Variants in GCC2 observed in about 807,000 individuals in gnomAD.
GCC2 encodes the protein GRIP and coiled-coil domain containing 2, also known as GRIP and coiled-coil domain-containing protein 2.
A neutral mutation model predicts 210.6 loss-of-function variants in GCC2; 120 were observed. That is an observed-to-expected ratio of 0.57 (90% CI 0.49 to 0.66). The LOEUF is 0.66. GCC2 is among the 30% of genes least tolerant of loss of function. The pLI is 0.00. For synonymous variants in GCC2, 703 were observed against 652.7 expected (o/e 1.08, Z -1.17); for missense variants, 1,868 against 1,871.9 (o/e 1.00, Z 0.04).
In GCC2 at chr2:108,449,634, A is replaced by G. The variant is rs750423096; in HGVS notation, c.8A>G (p.Asp3Gly). 5 of 1,613,618 alleles carry G rather than the reference A, an allele frequency of 3.1e-6. No homozygotes were observed. The highest frequency in any genetic ancestry group is 4.2e-6 in the Non-Finnish European group (5 of 1,179,684). The change falls in exon 2 of 23, where the codon GAT (aspartate) becomes GGT (glycine). Residue 3 changes from aspartate (D) to glycine (G), a missense_variant and splice_region_variant. By Grantham distance (94) the Asp-to-Gly change is moderately conservative. Around this residue, in one of 3 missense-constraint regions of GCC2, gnomAD observed 1,847 missense variants for 1,765.2 expected, o/e 1.05. Coordinates refer to ENST00000309863, the MANE Select transcript of GCC2 (RefSeq NM_181453.4). Reference sequence around the variant, plus strand: ...CCTGGGTTTGATTTTGTTTTGCAGGATCTTGTTCAAGATGGGGTGGCTTCA... The same window carrying G: ...CCTGGGTTTGATTTTGTTTTGCAGGGTCTTGTTCAAGATGGGGTGGCTTCA... MEDLVQDGVASPA... is the reference protein window; with the variant it reads MEGLVQDGVASPA...
Position 108,469,647 on chromosome 2 carries a change from A to T in GCC2, c.322-4A>T, listed in dbSNP as rs1285149883. On this transcript the variant is annotated splice_region_variant and splice_polypyrimidine_tract_variant and intron_variant, in intron 5 of 22. Transcript: ENST00000309863. ...AATTTATGTGTGCTTATTTTTTGTA[A>T]TAGGATTCTGTAACAAAGATGGGAG... The T allele has an allele frequency of 6.4e-7, 1 of 1,564,744 alleles. No homozygotes were observed. The highest frequency in any genetic ancestry group is 1.4e-5 in the African/African-American group (1 of 72,440).
In GCC2 at chr2:108,486,590, C is replaced by T. The variant is rs774543551; in HGVS notation, c.3872C>T (p.Thr1291Met). Residue 1291 changes from threonine to methionine, a missense_variant, in exon 16 of 23, where the codon ACG becomes ATG. Transcript: ENST00000309863. ...ACCTCTGCGGAACAGCACCAGCGTACGCTAAGTGCATACCAGCAGAGAGTG... is the reference window on the plus strand; with the variant it reads ...ACCTCTGCGGAACAGCACCAGCGTATGCTAAGTGCATACCAGCAGAGAGTG... ...LKTSAEQHQR[T>M]LSAYQQRVTA... is the part of the protein sequence containing the mutation. 48 of 1,613,576 alleles carry T rather than the reference C, an allele frequency of 3.0e-5. No individual in the cohort carries two copies. In the East Asian group the frequency reaches 4.2e-4, roughly 14 times the overall value.
At position 108,471,667 on chromosome 2, in the gene GCC2, G is replaced by A; in HGVS notation, c.2338G>A (p.Val780Ile). ...AGAAGACAGTGAAGAGAAAGATGTT[G>A]TTAATGTCCTACAGGCAGTCGGTGA... ...VSEDSEEKDV[V>I]NVLQAVGESL... The change falls in exon 6 of 23, where the codon GTT becomes ATT. Residue 780 changes from valine to isoleucine, a missense_variant. Val to Ile is a conservative substitution (Grantham distance 29). Around this residue, in one of 3 missense-constraint regions of GCC2, gnomAD observed 1,847 missense variants for 1,765.2 expected, o/e 1.05. Coordinates refer to ENST00000309863, the MANE Select transcript of GCC2 (RefSeq NM_181453.4). 1 of 1,613,542 alleles carries A rather than the reference G, an allele frequency of 6.2e-7. No individual in the cohort carries two copies. The highest frequency in any genetic ancestry group is 8.5e-7 in the Non-Finnish European group (1 of 1,179,556).
At chr2:108,485,271 T>C (rs1252098074) in intron 13 of GCC2, among the ~76,000 whole-genome samples, 3 of 150,584 alleles carry the variant, frequency 2.0e-5, no homozygotes, top group Admixed American at 2.0e-4. Flanking sequence ...TGTATACATA[T>C]GTAACTAACC....
At chr2:108,461,880 C>G (rs1249353618) in intron 4 of GCC2, among the ~76,000 whole-genome samples, 5 of 136,700 alleles carry the variant, frequency 3.7e-5, no homozygotes, top group African/African-American at 1.1e-4. Flanking sequence ...TTCGCCCAGG[C>G]CGGACTGCAG....
chr2:108,473,876 G>C (rs575552045), intron 7 of GCC2, among the ~76,000 whole-genome samples: 1 of 152,130 alleles, frequency 6.6e-6, no homozygotes, highest in Admixed American at 6.5e-5. Flanking sequence ...AGGAGAGGCC[G>C]AGTGCGGTGG....
At chr2:108,452,284 A>G in intron 3 of GCC2, 115 bp from the exon 4 acceptor site, 2 of 708,784 alleles carry the variant, frequency 2.8e-6, no homozygotes, top group South Asian at 3.1e-5. Flanking sequence ...TATTCTGCTT[A>G]AATATATTCT....
chr2:108,467,645 C>G (rs1680975039), intron 4 of GCC2, among the ~76,000 whole-genome samples: 1 of 152,102 alleles, frequency 6.6e-6, no homozygotes, highest in South Asian at 2.1e-4. Flanking sequence ...GTATTTAATA[C>G]AATGTGGATT....
In GCC2 at chr2:108,471,177, A is replaced by G. The variant is rs754454908; in HGVS notation, c.1848A>G (p.Lys616=). 3 of 1,601,730 alleles carry G rather than the reference A, an allele frequency of 1.9e-6. No homozygotes were observed. Among genetic ancestry groups the G allele is most frequent in the African/African-American group, 2.7e-5 (2 of 74,344 alleles). ...SHEEMDNFHK[K]CEREERLILE... ...AAGAAATGGATAATTTCCATAAGAA[A>G]TGTGAAAGGGAAGAAAGATTGATTC... is the stretch of plus-strand genomic sequence containing the variant. The change falls in exon 6 of 23, where the codon AAA becomes AAG. Residue 616 remains lysine, a synonymous_variant. Transcript: ENST00000309863.
In GCC2 at chr2:108,482,404, G is replaced by C. The variant is rs778432512; in HGVS notation, c.3298G>C (p.Asp1100His). 3 of 1,586,032 alleles carry C rather than the reference G, an allele frequency of 1.9e-6. No individual in the cohort carries two copies. The stretch of plus-strand genomic sequence containing the variant: ...AGTCCAGAGAGCCAAAGCAATGGTA[G>C]ACAAAGAATTAGAAGCTGAAAAACT... ...LEVQRAKAMV[D>H]KELEAEKLQK... Residue 1100 changes from aspartate (D) to histidine (H), a missense_variant, in exon 11 of 23, where the codon GAC (aspartate) becomes CAC (histidine). This residue lies in a region of GCC2 where 1,847 missense variants were observed against 1,765.2 expected (regional missense o/e 1.05). Coordinates refer to ENST00000309863, the MANE Select transcript of GCC2 (RefSeq NM_181453.4).
chr2:108,471,103 C>A lies in GCC2; in HGVS notation c.1774C>A (p.Leu592Ile). Residue 592 changes from leucine (L) to isoleucine (I), a missense_variant, in exon 6 of 23, where the codon CTT (leucine) becomes ATT (isoleucine). Physicochemically the swap from Leu to Ile is conservative, Grantham distance 5. Transcript: ENST00000309863. ...AGAATTAGAAGGAAAGATAAATTCTCTTACTGAGGAAAAAGATGATTTTAT... is the reference window on the plus strand; with the variant it reads ...AGAATTAGAAGGAAAGATAAATTCTATTACTGAGGAAAAAGATGATTTTAT... ...LKELEGKINS[L>I]TEEKDDFINK... The A allele has an allele frequency of 6.3e-7, 1 of 1,580,290 alleles. No individual in the cohort carries two copies. The highest frequency in any genetic ancestry group is 1.1e-5 in the South Asian group (1 of 88,624).
At chr2:108,507,526 A>G in intron 22 of GCC2, 34 bp from the exon 23 acceptor site, 2 of 1,437,382 alleles carry the variant, frequency 1.4e-6, no homozygotes, top group African/African-American at 1.5e-5. Flanking sequence ...TTTTTCTTTT[A>G]TTTTTCTTTT....
intron 4 of GCC2, among the ~76,000 whole-genome samples, chr2:108,466,403 A>G (rs1257797677): frequency 6.6e-6 from 1 of 152,028 alleles, no homozygotes; most frequent in Non-Finnish European, 1.5e-5. Flanking sequence ...TTTAAAATAC[A>G]TATTTGTTGT....
chr2:108,499,929 C>T (rs1682835084), intron 22 of GCC2, among the ~76,000 whole-genome samples, 175 bp downstream of exon 22: 1 of 152,154 alleles, frequency 6.6e-6, no homozygotes, highest in Admixed American at 6.6e-5. Flanking sequence ...CTTGAGGCAA[C>T]TGTAGTACAT....
chr2:108,458,858 A>C (rs2082032729), intron 4 of GCC2, among the ~76,000 whole-genome samples: 1 of 151,776 alleles, frequency 6.6e-6, no homozygotes, highest in Non-Finnish European at 1.5e-5. Flanking sequence ...TATCTTTTTG[A>C]AGAACAAGCT....
intron 4 of GCC2, among the ~76,000 whole-genome samples, chr2:108,456,508 A>T (rs1477051210): frequency 6.6e-6 from 1 of 152,122 alleles, no homozygotes; most frequent in Non-Finnish European, 1.5e-5. Flanking sequence ...AGAAATGTCT[A>T]TTCATGTCCC....
At chr2:108,503,744 T>C (rs538810431) in intron 22 of GCC2, among the ~76,000 whole-genome samples, 1 of 152,346 alleles carries the variant, frequency 6.6e-6, no homozygotes, top group East Asian at 1.9e-4. Context: ...GTATTTTTCA[T>C]TCAGGTTGCT....
chr2:108,449,298 C>G lies in GCC2; in HGVS notation c.6+18C>G. 1 of 1,548,484 alleles carries G rather than the reference C, an allele frequency of 6.5e-7. No individual in the cohort carries two copies. The highest frequency in any genetic ancestry group is 8.7e-7 in the Non-Finnish European group (1 of 1,144,676). The stretch of plus-strand genomic sequence containing the variant: ...AGATGGAGGTAACTCAGGTCGGGCC[C>G]ACTGCCTCCCATCAAGCCTTCCGCG... On this transcript the variant is annotated intron_variant, in intron 1 of 22. Transcript: ENST00000309863.
chr2:108,470,235 A>G lies in GCC2; in HGVS notation c.906A>G (p.Leu302=), dbSNP rs1650868573. The G allele has an allele frequency of 6.2e-7, 1 of 1,613,412 alleles. No individual in the cohort carries two copies. Among genetic ancestry groups the G allele is most frequent in the Non-Finnish European group, 8.5e-7 (1 of 1,179,674 alleles). ...AATATGAATGTGAGTTAGAAAATTTAAGGAAAGCCACCTCAAATGCAAACC... is the reference window on the plus strand; with the variant it reads ...AATATGAATGTGAGTTAGAAAATTTGAGGAAAGCCACCTCAAATGCAAACC... ...QKKYECELEN[L]RKATSNANQD... Residue 302 remains leucine (L), a synonymous_variant, in exon 6 of 23, where the codon TTA becomes TTG. Transcript: ENST00000309863.
Sources: gnomAD v4.1 joint callset for allele counts (sites outside exome capture counted in the v4.1 genomes callset) on GRCh38, gnomAD v4.1.1 for gene constraint, gnomAD v4.1.1 regional missense constraint, MANE v1.5 for transcripts, NCBI Gene and HGNC (gene_info 2026-07-23, HGNC 2026-07-21) for gene names.